XRCC4: variants seen among roughly 807,000 people sequenced by gnomAD.
The protein encoded by XRCC4 is X-ray repair cross complementing 4.
A neutral mutation model predicts 39.1 loss-of-function variants in XRCC4; 28 were observed. That is an observed-to-expected ratio of 0.72 (90% CI 0.53 to 0.98). The LOEUF is 0.98. XRCC4 is among the 50% of genes least tolerant of loss of function. XRCC4 has a pLI of 0.00. For missense variants in XRCC4, 350 were observed against 376.4 expected, an observed-to-expected ratio of 0.93 and a Z score of 0.58; for synonymous variants, 123 against 126.4, an observed-to-expected ratio of 0.97 and a Z score of 0.18.
At chr5:83,339,129 TG>T (rs1353790505) in intron 7 of XRCC4, among the ~76,000 whole-genome samples, 1 of 152,204 alleles carries the variant, frequency 6.6e-6, no homozygotes, top group African/African-American at 2.4e-5. Context: ...CTGAACATTT[TG>T]GTTTTACTTT....
At chr5:83,195,082 A>C (rs1326170959) in intron 3 of XRCC4, among the ~76,000 whole-genome samples, 1 of 152,166 alleles carries the variant, frequency 6.6e-6, no homozygotes, top group Non-Finnish European at 1.5e-5. Flanking sequence ...CTTATCAGCC[A>C]AATGGGGAAT....
At chr5:83,101,605 G>A (rs1337227052) in intron 1 of XRCC4, among the ~76,000 whole-genome samples, 1 of 152,044 alleles carries the variant, frequency 6.6e-6, no homozygotes, top group Non-Finnish European at 1.5e-5. Flanking sequence ...TTACATTCTT[G>A]TGACTTGGAA....
At chr5:83,173,347 A>G (rs576119170) in intron 3 of XRCC4, among the ~76,000 whole-genome samples, 26 of 152,278 alleles carry the variant, frequency 1.7e-4, no homozygotes, top group Non-Finnish European at 3.4e-4. Flanking sequence ...TATACTTGTG[A>G]AAAAACACGG....
chr5:83,283,023 C>T (rs1419464641), intron 7 of XRCC4, among the ~76,000 whole-genome samples: 11 of 141,114 alleles, frequency 7.8e-5, no homozygotes, highest in South Asian at 4.4e-4. Flanking sequence ...TTGTCTACAG[C>T]GAACATGGTA....
chr5:83,086,864 A>G (rs368545814), intron 1 of XRCC4, among the ~76,000 whole-genome samples: 9 of 152,200 alleles, frequency 5.9e-5, no homozygotes, highest in Admixed American at 1.3e-4. Context: ...AATCCCTTAG[A>G]TATTAAATCA....
intron 3 of XRCC4, among the ~76,000 whole-genome samples, chr5:83,119,812 A>C (rs1746911636): frequency 6.6e-6 from 1 of 151,986 alleles, no homozygotes; most frequent in African/African-American, 2.4e-5. Context: ...CTCTCTACCA[A>C]AAAGAAAAAA....
At chr5:83,230,450 T>G (rs1442983579) in intron 6 of XRCC4, among the ~76,000 whole-genome samples, 2 of 152,038 alleles carry the variant, frequency 1.3e-5, no homozygotes, top group East Asian at 3.9e-4. Flanking sequence ...TGGCATGATA[T>G]GTGTGAAGTA....
At chr5:83,105,346 T>C (rs1746148027) in intron 2 of XRCC4, among the ~76,000 whole-genome samples, 2 of 152,214 alleles carry the variant, frequency 1.3e-5, no homozygotes, top group Admixed American at 1.3e-4. Context: ...TAGTACTTTC[T>C]AAATACATCT....
intron 2 of XRCC4, among the ~76,000 whole-genome samples, chr5:83,107,544 T>C (rs1036932393): frequency 1.1e-4 from 17 of 151,918 alleles, no homozygotes; most frequent in African/African-American, 4.1e-4. Context: ...TGAATGTTTT[T>C]GAGGTCCAAT....
At chr5:83,340,276 G>GGCAA (rs1554075851) in intron 7 of XRCC4, among the ~76,000 whole-genome samples, 1 of 151,754 alleles carries the variant, frequency 6.6e-6, no homozygotes, top group Non-Finnish European at 1.5e-5. Flanking sequence ...TAGAGTGGTA[G>GGCAA]AATAGTAAAC....
chr5:83,341,464 G>A lies in XRCC4; in HGVS notation c.894-11667G>A, dbSNP rs540379211. ...TTTCCCAATTAACAGAAATTTTAGT[G>A]TATAATATGTATATGAAAGACTAAG... is the stretch of plus-strand genomic sequence containing the variant. On this transcript the variant is annotated intron_variant, in intron 7 of 7. Coordinates refer to ENST00000396027, the MANE Select transcript of XRCC4 (RefSeq NM_003401.5). Among the ~76,000 whole-genome samples, 35 of 152,102 alleles carry A rather than the reference G, an allele frequency of 2.3e-4. 1 individual carries two copies. The highest frequency in any genetic ancestry group is 1.9e-4 in the Non-Finnish European group (13 of 68,020).
intron 3 of XRCC4, among the ~76,000 whole-genome samples, chr5:83,194,232 C>T (rs1750845388): frequency 6.6e-6 from 1 of 152,136 alleles, no homozygotes; most frequent in Admixed American, 6.5e-5. Context: ...AGGAGTGAGC[C>T]ACTGTGCTCG....
At chr5:83,252,422 T>C (rs1001813079) in intron 6 of XRCC4, among the ~76,000 whole-genome samples, 1 of 152,036 alleles carries the variant, frequency 6.6e-6, no homozygotes. Context: ...TCTGTGACAA[T>C]TGGAATATTT....
chr5:83,103,587 A>G (rs1349889508), intron 1 of XRCC4, among the ~76,000 whole-genome samples: 3 of 152,176 alleles, frequency 2.0e-5, no homozygotes. Context: ...ACAGAAATGC[A>G]TATGTATTTG....
intron 7 of XRCC4, among the ~76,000 whole-genome samples, chr5:83,260,452 A>G (rs1053774240): frequency 5.3e-5 from 8 of 152,046 alleles, no homozygotes; most frequent in South Asian, 2.1e-4. Context: ...TTTCAGTCCA[A>G]TTGTTTTGTC....
At chr5:83,241,444 T>C (rs1156903663) in intron 6 of XRCC4, among the ~76,000 whole-genome samples, 1 of 152,196 alleles carries the variant, frequency 6.6e-6, no homozygotes, top group Non-Finnish European at 1.5e-5. Context: ...GAATTAATTC[T>C]GTTAAATAAA....
chr5:83,096,227 A>G (rs916070181), intron 1 of XRCC4, among the ~76,000 whole-genome samples: 2 of 152,080 alleles, frequency 1.3e-5, no homozygotes, highest in African/African-American at 2.4e-5. Context: ...CTGCTGTGGG[A>G]TAGAGGGTGG....
At chr5:83,243,855 G>A (rs1753003285) in intron 6 of XRCC4, among the ~76,000 whole-genome samples, 1 of 152,164 alleles carries the variant, frequency 6.6e-6, no homozygotes, top group South Asian at 2.1e-4. Context: ...TGTTAGGTTT[G>A]TTGACCTACC....
At chr5:83,332,270 A>C (rs200647592) in intron 7 of XRCC4, among the ~76,000 whole-genome samples, 61 of 128,660 alleles carry the variant, frequency 4.7e-4, no homozygotes, top group Non-Finnish European at 4.9e-4. Context: ...CACACACAGA[A>C]AGAGAGAGAG....
Sources: allele counts gnomAD v4.1 joint callset (sites outside exome capture counted in the v4.1 genomes callset), GRCh38; gene constraint gnomAD v4.1.1; transcripts MANE v1.5; gene names NCBI Gene and HGNC (gene_info 2026-07-23, HGNC 2026-07-21).